Variants in PCDH9 observed in about 807,000 individuals in gnomAD.
PCDH9 encodes the protein protocadherin 9, also known as protocadherin-9.
A neutral mutation model predicts 70.6 loss-of-function variants in PCDH9; 24 were observed. The ratio of observed to expected loss-of-function variants is 0.34; its 90% confidence interval spans 0.25 to 0.48. The LOEUF (loss-of-function observed/expected upper bound fraction) is 0.48, where lower values mean the gene tolerates loss of function less well. Ranked by LOEUF, PCDH9 falls within the 20% of genes least tolerant of loss-of-function variation. The probability of loss-of-function intolerance (pLI) is 0.99; values close to 1 mark genes in which losing one functional copy is unlikely to be tolerated. For synonymous variants in PCDH9, 562 were observed against 558.5 expected (o/e 1.01, Z -0.09); for missense variants, 1,281 against 1,503.6 (o/e 0.85, Z 2.45).
chr13:66,964,390 C>T (rs563268429), intron 2 of PCDH9, among the ~76,000 whole-genome samples: 143 of 151,776 alleles, frequency 9.4e-4, no homozygotes, highest in Non-Finnish European at 1.8e-3. Context: ...TGATTGTACA[C>T]TTTAGCACTG....
At chr13:66,864,035 C>G (rs1381336242) in intron 3 of PCDH9, among the ~76,000 whole-genome samples, 1 of 151,950 alleles carries the variant, frequency 6.6e-6, no homozygotes, top group Non-Finnish European at 1.5e-5. Context: ...GGGAAAAGCC[C>G]CTTATAAAAC....
intron 4 of PCDH9, among the ~76,000 whole-genome samples, chr13:66,419,767 T>G (rs1593949078): frequency 6.6e-6 from 1 of 151,646 alleles, no homozygotes; most frequent in Admixed American, 6.6e-5. Flanking sequence ...GCAGGAGTTT[T>G]TTTTTTTTTT....
intron 4 of PCDH9, among the ~76,000 whole-genome samples, chr13:66,568,444 C>CA (rs2076683517): frequency 6.7e-6 from 1 of 150,268 alleles, no homozygotes; most frequent in African/African-American, 2.5e-5. Flanking sequence ...CACGCACACA[C>CA]ACACACATAC....
chr13:66,461,141 C>A (rs1476608909), intron 4 of PCDH9, among the ~76,000 whole-genome samples: 5 of 151,730 alleles, frequency 3.3e-5, no homozygotes, highest in Non-Finnish European at 7.4e-5. Context: ...GGAGTCAGTT[C>A]CTAAGATATC....
At chr13:66,501,765 GA>G (rs1249667027) in intron 4 of PCDH9, among the ~76,000 whole-genome samples, 1 of 151,814 alleles carries the variant, frequency 6.6e-6, no homozygotes, top group African/African-American at 2.4e-5. Flanking sequence ...AAAAGAAAAA[GA>G]AAAAAATCCC....
intron 2 of PCDH9, among the ~76,000 whole-genome samples, chr13:67,187,040 T>C (rs1325756751): frequency 8.5e-5 from 13 of 152,176 alleles, no homozygotes. Context: ...AATTTCACAT[T>C]TTTCCTCTAA....
intron 2 of PCDH9, among the ~76,000 whole-genome samples, chr13:67,142,014 T>C (rs1383547795): frequency 6.6e-6 from 1 of 151,698 alleles, no homozygotes; most frequent in Non-Finnish European, 1.5e-5. Context: ...CCTAAATACA[T>C]ATTGGGTTAG....
intron 3 of PCDH9, among the ~76,000 whole-genome samples, chr13:66,686,563 CAAT>C (rs751545399): frequency 1.3e-5 from 2 of 152,262 alleles, no homozygotes; most frequent in Middle Eastern, 3.4e-3. Flanking sequence ...CTATATGCTG[CAAT>C]AATATTATAG....
chr13:66,595,782 G>A (rs571511304), intron 4 of PCDH9, among the ~76,000 whole-genome samples: 10 of 151,570 alleles, frequency 6.6e-5, no homozygotes, highest in East Asian at 2.0e-4. Context: ...ATATATTAAC[G>A]TATAGGAATT....
At chr13:66,796,207 C>T (rs935045497) in intron 3 of PCDH9, among the ~76,000 whole-genome samples, 9 of 152,058 alleles carry the variant, frequency 5.9e-5, no homozygotes, top group Non-Finnish European at 1.3e-4. Context: ...CATTCCTGAT[C>T]CATTTGAATG....
intron 4 of PCDH9, among the ~76,000 whole-genome samples, chr13:66,397,989 T>G (rs1957131951): frequency 6.6e-6 from 1 of 152,058 alleles, no homozygotes; most frequent in Admixed American, 6.6e-5. Context: ...AGATTTAATT[T>G]TATGTAATCC....
intron 3 of PCDH9, among the ~76,000 whole-genome samples, chr13:66,708,778 T>C (rs2146745): frequency 0.34 from 51,104 of 151,972 alleles, 9,045 homozygotes; most frequent in East Asian, 0.51. Flanking sequence ...AGCTCAAAAG[T>C]GGAGTGTTGG....
intron 3 of PCDH9, among the ~76,000 whole-genome samples, chr13:66,864,818 A>C (rs2081543561): frequency 6.6e-6 from 1 of 152,260 alleles, no homozygotes; most frequent in Non-Finnish European, 1.5e-5. Context: ...CGTTTTAAAA[A>C]TGCAAATAAA....
chr13:67,173,524 G>A lies in PCDH9; in HGVS notation c.3036+51881C>T, dbSNP rs554507886. ...TTTCCTCTCTGTGGCCTCACTGCAG[G>A]AGTTTCACAAGATGGAAAATTCACT... On this transcript the variant is annotated intron_variant, in intron 2 of 4. Transcript: ENST00000377865. Among the ~76,000 whole-genome samples, 4 of 152,200 alleles carry A rather than the reference G, an allele frequency of 2.6e-5. No homozygotes were observed. The East Asian group carries it at 7.7e-4, about 29-fold the overall frequency.
chr13:66,440,787 C>A (rs964973477), intron 4 of PCDH9, among the ~76,000 whole-genome samples: 5 of 151,884 alleles, frequency 3.3e-5, no homozygotes, highest in Non-Finnish European at 2.9e-5. Context: ...CTCTAAGGAA[C>A]CCTCATATTC....
intron 4 of PCDH9, among the ~76,000 whole-genome samples, chr13:66,364,705 GA>G (rs1593862512): frequency 1.3e-5 from 2 of 152,060 alleles, no homozygotes; most frequent in Non-Finnish European, 2.9e-5. Flanking sequence ...TAAGGAAGGG[GA>G]AAAAATGATC....
chr13:66,513,718 G>T (rs1447332928), intron 4 of PCDH9, among the ~76,000 whole-genome samples: 1 of 145,658 alleles, frequency 6.9e-6, no homozygotes, highest in Admixed American at 6.8e-5. Flanking sequence ...CCTTTCTTAA[G>T]TAAAAAAAAA....
chr13:67,094,214 G>A (rs894532037), intron 2 of PCDH9, among the ~76,000 whole-genome samples: 1 of 152,128 alleles, frequency 6.6e-6, no homozygotes, highest in Non-Finnish European at 1.5e-5. Context: ...TTCAAATCAT[G>A]AATTAGTGAG....
At chr13:66,437,515 C>A (rs894826789) in intron 4 of PCDH9, among the ~76,000 whole-genome samples, 1 of 149,934 alleles carries the variant, frequency 6.7e-6, no homozygotes, top group African/African-American at 2.5e-5. Flanking sequence ...GGATTCTTAT[C>A]ACATACATCA....
Sources: allele counts gnomAD v4.1 joint callset (sites outside exome capture counted in the v4.1 genomes callset), GRCh38; gene constraint gnomAD v4.1.1; transcripts MANE v1.5; gene names NCBI Gene and HGNC (gene_info 2026-07-23, HGNC 2026-07-21).